The following GALNT17 variants were observed in gnomAD, a reference collection of about 807,000 sequenced individuals.
The protein encoded by GALNT17 is UDP-GalNAc:polypeptide N-acetylgalactosaminyltransferase-like 3.
A neutral mutation model predicts 63.7 loss-of-function variants in GALNT17; 29 were observed. The observed-to-expected ratio is 0.46, with a 90% CI of 0.34 to 0.62. GALNT17 has a LOEUF of 0.62. Among genes scored for constraint, GALNT17 ranks in the 20% least tolerant of loss-of-function variants. The pLI is 0.01. For synonymous variants in GALNT17, 305 were observed against 318.3 expected, an observed-to-expected ratio of 0.96 and a Z score of 0.45; for missense variants, 603 against 799.6, an observed-to-expected ratio of 0.75 and a Z score of 2.97.
At chr7:71,346,691 A>G (rs1182319551) in intron 2 of GALNT17, among the ~76,000 whole-genome samples, 2 of 135,020 alleles carry the variant, frequency 1.5e-5, no homozygotes, top group Non-Finnish European at 3.1e-5. Context: ...CCAGAAGGAA[A>G]AGAAATTCTG....
At chr7:71,420,758 C>CAGG (rs1193754604) in intron 4 of GALNT17, 150 bp from the exon 5 acceptor site, 5 of 853,296 alleles carry the variant, frequency 5.9e-6, no homozygotes, top group Non-Finnish European at 9.5e-6. Flanking sequence ...CCAGCGTGGG[C>CAGG]AGGTCCCTGG....
At chr7:71,547,077 TGCCTCC>T (rs1788997543) in intron 5 of GALNT17, among the ~76,000 whole-genome samples, 1 of 152,052 alleles carries the variant, frequency 6.6e-6, no homozygotes, top group South Asian at 2.1e-4. Context: ...CTGCAACCTC[TGCCTCC>T]TGGTTTCAAG....
At chr7:71,357,205 C>T (rs1425750169) in intron 2 of GALNT17, among the ~76,000 whole-genome samples, 1 of 152,140 alleles carries the variant, frequency 6.6e-6, no homozygotes, top group Non-Finnish European at 1.5e-5. Flanking sequence ...GAGTTTGTGG[C>T]CTGTTAGGAA....
intron 1 of GALNT17, among the ~76,000 whole-genome samples, chr7:71,311,994 A>G (rs906169121): frequency 1.1e-4 from 17 of 152,232 alleles, no homozygotes; most frequent in Non-Finnish European, 4.4e-5. Context: ...AGACATGTCC[A>G]TGAGTGCCGT....
In GALNT17 at chr7:71,572,520, A is replaced by AC. The variant is rs1197393443; in HGVS notation, c.1080+1118_1080+1119insC. 7.2e-4 allele frequency among the ~76,000 whole-genome samples: 108 copies of AC among 149,194 alleles called. 2 individuals are homozygous for AC. The highest frequency in any genetic ancestry group is 1.4e-3 in the African/African-American group (55 of 40,338). ...CTGTCTCATTAAAAAAAAAAAAAAA[A>AC]AAAAAAAAAACTACATGTTTAAGGT... On this transcript the variant is annotated intron_variant, in intron 6 of 10. Coordinates refer to ENST00000333538, the MANE Select transcript of GALNT17 (RefSeq NM_022479.3).
chr7:71,665,178 T>C (rs1420589714), intron 6 of GALNT17, among the ~76,000 whole-genome samples: 1 of 152,140 alleles, frequency 6.6e-6, no homozygotes, highest in Non-Finnish European at 1.5e-5. Flanking sequence ...GGTTTCACCA[T>C]GTTAGCCAGG....
intron 5 of GALNT17, among the ~76,000 whole-genome samples, chr7:71,494,253 A>G (rs1162528063): frequency 6.6e-6 from 1 of 152,104 alleles, no homozygotes; most frequent in Non-Finnish European, 1.5e-5. Context: ...TGCATAGGGG[A>G]AATCACCCCA....
chr7:71,135,872 C>A (rs1787775115), intron 1 of GALNT17, among the ~76,000 whole-genome samples: 1 of 152,158 alleles, frequency 6.6e-6, no homozygotes. Flanking sequence ...CTGGTGGAGT[C>A]AGGTGCTGTG....
At chr7:71,672,067 C>A (rs1791079780) in intron 8 of GALNT17, among the ~76,000 whole-genome samples, 1 of 147,636 alleles carries the variant, frequency 6.8e-6, no homozygotes, top group South Asian at 2.2e-4. Flanking sequence ...TGGCACACAA[C>A]AGTAATTATT....
At chr7:71,302,320 C>G (rs188358283) in intron 1 of GALNT17, among the ~76,000 whole-genome samples, 1 of 152,248 alleles carries the variant, frequency 6.6e-6, no homozygotes, top group East Asian at 1.9e-4. Flanking sequence ...TGTAACAAAC[C>G]TGCACATCCT....
At position 71,619,549 on chromosome 7, in the gene GALNT17, T is replaced by C. The variant is rs190232007; in HGVS notation, c.1081-45862T>C. Among the ~76,000 whole-genome samples the C allele has an allele frequency of 2.3e-4, 35 of 151,586 alleles. No individual in the cohort carries two copies. In the East Asian group the frequency reaches 6.0e-3, roughly 26 times the overall value. ...ATTCCAAGGTATTTCATTTTCTTTG[T>C]GGCTATTTTAAGTAGGATTGTGTTC... On this transcript the variant is annotated intron_variant, in intron 6 of 10. Coordinates refer to ENST00000333538, the MANE Select transcript of GALNT17 (RefSeq NM_022479.3).
At chr7:71,445,179 CTTT>C (rs748963165) in intron 5 of GALNT17, among the ~76,000 whole-genome samples, 5 of 130,410 alleles carry the variant, frequency 3.8e-5, no homozygotes, top group Admixed American at 7.9e-5. Context: ...TTCTTTCTTT[CTTT>C]TTTTTTTTTT....
intron 1 of GALNT17, among the ~76,000 whole-genome samples, chr7:71,245,955 T>TG (rs1250292558): frequency 3.3e-5 from 5 of 151,304 alleles, no homozygotes; most frequent in African/African-American, 1.2e-4. Context: ...ATCACACCTT[T>TG]GGAAAGCCAT....
intron 5 of GALNT17, among the ~76,000 whole-genome samples, chr7:71,524,244 A>AT (rs1788586868): frequency 6.8e-6 from 1 of 147,290 alleles, no homozygotes; most frequent in African/African-American, 2.5e-5. Flanking sequence ...TATATATAAT[A>AT]ATAATATATA....
intron 5 of GALNT17, among the ~76,000 whole-genome samples, chr7:71,447,112 A>G (rs1205618569): frequency 1.3e-5 from 2 of 152,160 alleles, no homozygotes; most frequent in Non-Finnish European, 2.9e-5. Flanking sequence ...ATTCAATTCA[A>G]TTATGACACT....
At chr7:71,470,674 C>G (rs1380569486) in intron 5 of GALNT17, among the ~76,000 whole-genome samples, 1 of 151,876 alleles carries the variant, frequency 6.6e-6, no homozygotes, top group Non-Finnish European at 1.5e-5. Flanking sequence ...TCAAAGACAC[C>G]CAGGGGACCC....
intron 1 of GALNT17, among the ~76,000 whole-genome samples, chr7:71,195,877 A>G (rs1427141248): frequency 6.6e-6 from 1 of 151,884 alleles, no homozygotes; most frequent in East Asian, 2.0e-4. Context: ...GTAGCCATAG[A>G]TTAATACAAA....
intron 1 of GALNT17, among the ~76,000 whole-genome samples, chr7:71,328,600 G>A (rs1791745189): frequency 1.3e-5 from 2 of 151,278 alleles, no homozygotes; most frequent in Non-Finnish European, 1.5e-5. Context: ...ATTTATCTTT[G>A]CCAACAGTTT....
At chr7:71,466,931 C>T (rs1787545528) in intron 5 of GALNT17, among the ~76,000 whole-genome samples, 1 of 151,786 alleles carries the variant, frequency 6.6e-6, no homozygotes. Context: ...CCCAAGGTGG[C>T]TGTAACCCCT....
Sources: gnomAD v4.1 joint callset for allele counts (sites outside exome capture counted in the v4.1 genomes callset) on GRCh38, gnomAD v4.1.1 for gene constraint, MANE v1.5 for transcripts, NCBI Gene and HGNC (gene_info 2026-07-23, HGNC 2026-07-21) for gene names.